The following ELMO1 variants were observed in gnomAD, a reference collection of about 807,000 sequenced individuals.
ELMO1 encodes engulfment and cell motility 1.
Under a neutral mutation model 98.9 loss-of-function variants are expected in ELMO1, and 26 were observed. That is an observed-to-expected ratio of 0.26 (90% CI 0.19 to 0.36). The LOEUF is 0.36. Ranked by LOEUF, ELMO1 falls within the 10% of genes least tolerant of loss-of-function variation. The probability of loss-of-function intolerance (pLI) is 1.00; values close to 1 mark genes in which losing one functional copy is unlikely to be tolerated. For synonymous variants in ELMO1, 346 were observed against 346.0 expected (o/e 1.00, Z 0.00); for missense variants, 627 against 935.2 (o/e 0.67, Z 4.30).
chr7:37,382,125 T>C (rs558507900), intron 1 of ELMO1, among the ~76,000 whole-genome samples: 7 of 152,312 alleles, frequency 4.6e-5, no homozygotes, highest in African/African-American at 1.4e-4. Context: ...TTTAAGGCAA[T>C]CTCAGAAACA....
chr7:37,173,645 G>T (rs939425591), intron 13 of ELMO1, among the ~76,000 whole-genome samples: 1 of 152,228 alleles, frequency 6.6e-6, no homozygotes. Flanking sequence ...CCATGGCAGC[G>T]TCTTGAGGAG....
At chr7:37,059,224 G>A (rs898609135) in intron 15 of ELMO1, among the ~76,000 whole-genome samples, 1 of 152,208 alleles carries the variant, frequency 6.6e-6, no homozygotes, top group African/African-American at 2.4e-5. Context: ...TATCACTCCA[G>A]TGGGGGCTTT....
At chr7:36,888,631 A>G (rs533593769) in intron 17 of ELMO1, among the ~76,000 whole-genome samples, 1 of 152,314 alleles carries the variant, frequency 6.6e-6, no homozygotes, top group South Asian at 2.1e-4. Flanking sequence ...GTGACTCCCA[A>G]ATGAGACAGA....
intron 1 of ELMO1, among the ~76,000 whole-genome samples, chr7:37,410,720 G>A (rs1803960246): frequency 6.6e-6 from 1 of 152,216 alleles, no homozygotes; most frequent in South Asian, 2.1e-4. Flanking sequence ...CCATCATAGA[G>A]CCTGCTGGCC....
intron 1 of ELMO1, among the ~76,000 whole-genome samples, chr7:37,367,919 G>A (rs548005388): frequency 3.3e-5 from 5 of 152,040 alleles, no homozygotes; most frequent in Non-Finnish European, 5.9e-5. Flanking sequence ...AAACAATCAC[G>A]GATAATAAAT....
intron 14 of ELMO1, among the ~76,000 whole-genome samples, chr7:37,097,851 C>A (rs770679872): frequency 6.6e-6 from 1 of 152,222 alleles, no homozygotes; most frequent in African/African-American, 2.4e-5. Context: ...TCCTATAGCA[C>A]AACTACTTCC....
chr7:37,222,066 T>G (rs1252689493), intron 10 of ELMO1, among the ~76,000 whole-genome samples: 8 of 152,128 alleles, frequency 5.3e-5, no homozygotes, highest in African/African-American at 1.4e-4. Context: ...AAGTAAGTAA[T>G]CTCACCAAGC....
chr7:37,380,367 T>G (rs759205468), intron 1 of ELMO1, among the ~76,000 whole-genome samples: 4 of 152,234 alleles, frequency 2.6e-5, no homozygotes, highest in African/African-American at 4.8e-5. Flanking sequence ...GACACCCATT[T>G]CCCAGTATAG....
chr7:36,893,961 G>A (rs1165829604), intron 17 of ELMO1, among the ~76,000 whole-genome samples: 1 of 151,582 alleles, frequency 6.6e-6, no homozygotes, highest in Non-Finnish European at 1.5e-5. Flanking sequence ...TGGTGGGGGA[G>A]CACTGCCTTC....
chr7:37,019,440 T>C (rs1455195803), intron 15 of ELMO1, among the ~76,000 whole-genome samples: 7 of 152,250 alleles, frequency 4.6e-5, no homozygotes, highest in African/African-American at 1.7e-4. Flanking sequence ...GAACAGTGAC[T>C]AAGACAGCAA....
At chr7:37,385,353 A>G (rs1802755765) in intron 1 of ELMO1, among the ~76,000 whole-genome samples, 1 of 151,986 alleles carries the variant, frequency 6.6e-6, no homozygotes, top group African/African-American at 2.4e-5. Context: ...CCTCCCCTCC[A>G]GCCACACTGG....
At chr7:36,918,484 T>G (rs572342523) in intron 16 of ELMO1, among the ~76,000 whole-genome samples, 3 of 152,132 alleles carry the variant, frequency 2.0e-5, no homozygotes, top group Admixed American at 6.5e-5. Context: ...TGGGTGCATA[T>G]CACAGTCACC....
At chr7:37,065,075 A>G (rs544116158) in intron 15 of ELMO1, among the ~76,000 whole-genome samples, 2 of 152,238 alleles carry the variant, frequency 1.3e-5, no homozygotes, top group African/African-American at 4.8e-5. Flanking sequence ...AAACACCACC[A>G]TGAACAAAAA....
At chr7:36,970,450 G>C (rs1789839150) in intron 16 of ELMO1, among the ~76,000 whole-genome samples, 1 of 152,220 alleles carries the variant, frequency 6.6e-6, no homozygotes, top group African/African-American at 2.4e-5. Context: ...CCACAAAACA[G>C]TGGACTGCAA....
intron 13 of ELMO1, among the ~76,000 whole-genome samples, chr7:37,166,456 C>T (rs1789697204): frequency 6.6e-6 from 1 of 152,080 alleles, no homozygotes; most frequent in East Asian, 1.9e-4. Context: ...ATCTTTCCTG[C>T]TTTCTCTTGT....
At chr7:37,408,327 C>A (rs1803858613) in intron 1 of ELMO1, among the ~76,000 whole-genome samples, 2 of 152,180 alleles carry the variant, frequency 1.3e-5, no homozygotes, top group South Asian at 4.1e-4. Flanking sequence ...GCATCACTGT[C>A]TAAGACACAT....
intron 15 of ELMO1, among the ~76,000 whole-genome samples, chr7:37,020,270 C>CA (rs1166164440): frequency 2.0e-5 from 3 of 152,208 alleles, no homozygotes; most frequent in Non-Finnish European, 4.4e-5. Flanking sequence ...TTCAACTCCC[C>CA]AAAGCCCATC....
intron 18 of ELMO1, among the ~76,000 whole-genome samples, chr7:36,885,605 T>C (rs1804909652): frequency 6.6e-6 from 1 of 152,148 alleles, no homozygotes; most frequent in South Asian, 2.1e-4. Context: ...ATCATCTTTA[T>C]GGGGGCAATA....
chr7:37,276,425 G>A (rs1037528844), intron 4 of ELMO1, among the ~76,000 whole-genome samples: 7 of 152,186 alleles, frequency 4.6e-5, no homozygotes, highest in Admixed American at 1.3e-4. Context: ...TGGCTAACAC[G>A]GTGAAACCCC....
Sources: gnomAD v4.1 joint callset for allele counts (sites outside exome capture counted in the v4.1 genomes callset) on GRCh38, gnomAD v4.1.1 for gene constraint, MANE v1.5 for transcripts, NCBI Gene and HGNC (gene_info 2026-07-23, HGNC 2026-07-21) for gene names.